RSPO4: variants seen among roughly 807,000 people sequenced by gnomAD.
RSPO4 encodes R-spondin 4.
RSPO4 carries 23 observed loss-of-function variants against 24.8 expected under a neutral mutation model. The ratio of observed to expected loss-of-function variants is 0.93; its 90% confidence interval spans 0.67 to 1.31. The LOEUF (loss-of-function observed/expected upper bound fraction) is 1.31. Among genes scored for constraint, RSPO4 ranks in the 40% most tolerant of loss-of-function variants. RSPO4 has a pLI of 0.00. For missense variants in RSPO4, 333 were observed against 316.5 expected, an observed-to-expected ratio of 1.05 and a Z score of -0.39; for synonymous variants, 141 against 127.4, an observed-to-expected ratio of 1.11 and a Z score of -0.72.
At chr20:989,849 G>A (rs1354422125) in intron 1 of RSPO4, among the ~76,000 whole-genome samples, 3 of 152,184 alleles carry the variant, frequency 2.0e-5, no homozygotes, top group Non-Finnish European at 4.4e-5. Flanking sequence ...CTGGAGACGC[G>A]GGCCTCTGGG....
chr20:980,526 C>T (rs1432076440), intron 1 of RSPO4, among the ~76,000 whole-genome samples: 1 of 152,210 alleles, frequency 6.6e-6, no homozygotes, highest in African/African-American at 2.4e-5. Flanking sequence ...GAAATGCCCA[C>T]TCCGTCTCTC....
chr20:960,312 T>C lies in RSPO4; in HGVS notation c.*45A>G. 1 of 1,268,168 alleles carries C rather than the reference T, an allele frequency of 7.9e-7. No individual in the cohort carries two copies. Among genetic ancestry groups the C allele is most frequent in the Non-Finnish European group, 1.1e-6 (1 of 902,566 alleles). The allele number at this position is 1,268,168 out of a possible 1,614,324, so 78.6% of individuals were successfully genotyped here. A position where few individuals can be genotyped will look rare whatever the true frequency, so the allele number is the denominator to read the frequency against. The stretch of plus-strand genomic sequence containing the variant: ...GGAGGAGAAGGAGCAGGAGGAGGTG[T>C]GCAGGGGCCGAGGACTAGGACCAGA... On this transcript the variant is annotated 3_prime_UTR_variant, in exon 5 of 5. Coordinates refer to ENST00000217260, the MANE Select transcript of RSPO4 (RefSeq NM_001029871.4).
At chr20:961,971 C>T (rs1984013808) in intron 4 of RSPO4, among the ~76,000 whole-genome samples, 1 of 152,014 alleles carries the variant, frequency 6.6e-6, no homozygotes, top group South Asian at 2.1e-4. Context: ...CACCCACCTA[C>T]CCTCCCATCT....
In RSPO4 at chr20:964,777, C is replaced by CACAT. The variant is rs755593460; in HGVS notation, c.410-658_410-657insATGT. ...ACACATATATATACACACACACACA[C>CACAT]ATATATATATACACATATATACACA... is the stretch of plus-strand genomic sequence containing the variant. On this transcript the variant is annotated intron_variant, in intron 3 of 4. Coordinates refer to ENST00000217260, the MANE Select transcript of RSPO4 (RefSeq NM_001029871.4). Among the ~76,000 whole-genome samples the CACAT allele has an allele frequency of 5.8e-3, 815 of 139,974 alleles. 16 individuals carry two copies. Among genetic ancestry groups the CACAT allele is most frequent in the African/African-American group, 0.021 (745 of 34,770 alleles). The allele number at this position is 139,974 out of a possible 152,430, so 91.8% of individuals were successfully genotyped here.
chr20:991,066 T>C (rs771506258), intron 1 of RSPO4, among the ~76,000 whole-genome samples: 1 of 152,190 alleles, frequency 6.6e-6, no homozygotes, highest in East Asian at 1.9e-4. Context: ...TGGTCCAATG[T>C]TGAGGAGTAG....
At chr20:991,604 A>G (rs1985104027) in intron 1 of RSPO4, among the ~76,000 whole-genome samples, 1 of 152,148 alleles carries the variant, frequency 6.6e-6, no homozygotes, top group Non-Finnish European at 1.5e-5. Context: ...TAAGAATTAC[A>G]TGATTAAAAC....
At chr20:979,669 CAA>C (rs1009857580) in intron 1 of RSPO4, among the ~76,000 whole-genome samples, 6 of 152,148 alleles carry the variant, frequency 3.9e-5, no homozygotes, top group African/African-American at 1.4e-4. Context: ...TGAGGCTGCC[CAA>C]ATCTTGCTCT....
chr20:984,807 G>T lies in RSPO4; in HGVS notation c.80-16669C>A, dbSNP rs1984847591. 2.0e-5 allele frequency among the ~76,000 whole-genome samples: 3 copies of T among 152,218 alleles called. No homozygotes were observed. In the South Asian group the frequency reaches 6.2e-4, roughly 32 times the overall value. On this transcript the variant is annotated intron_variant, in intron 1 of 4. Coordinates refer to ENST00000217260, the MANE Select transcript of RSPO4 (RefSeq NM_001029871.4). ...CAGTTTCTCCATCTGTCAAATGGAT[G>T]GTTAAACTCAGTGTTTCTAAAGGCC...
chr20:1,000,230 C>G (rs1252412870), intron 1 of RSPO4, among the ~76,000 whole-genome samples: 2 of 152,210 alleles, frequency 1.3e-5, no homozygotes, highest in Non-Finnish European at 2.9e-5. Flanking sequence ...CAGCACACCT[C>G]AGAAGATATC....
At chr20:985,782 G>C (rs750906422) in intron 1 of RSPO4, among the ~76,000 whole-genome samples, 1 of 152,200 alleles carries the variant, frequency 6.6e-6, no homozygotes, top group South Asian at 2.1e-4. Flanking sequence ...GCAGTGACTG[G>C]GGCAGGGTAG....
chr20:964,795 T>TACACACACACAC (rs1327859655), intron 3 of RSPO4, among the ~76,000 whole-genome samples: 12 of 108,540 alleles, frequency 1.1e-4, no homozygotes, highest in Admixed American at 4.1e-4. Context: ...TATACACATA[T>TACACACACACAC]ATACACACAT....
At chr20:968,260 A>T (rs1440127042) in intron 1 of RSPO4, 122 bp from the exon 2 acceptor site, 2 of 814,354 alleles carry the variant, frequency 2.5e-6, no homozygotes, top group Non-Finnish European at 4.0e-6. Flanking sequence ...CCCAAACAAA[A>T]GACTACATTT....
chr20:979,268 A>G (rs976326100), intron 1 of RSPO4, among the ~76,000 whole-genome samples: 1 of 151,942 alleles, frequency 6.6e-6, no homozygotes, highest in African/African-American at 2.4e-5. Flanking sequence ...CACTCCCACC[A>G]CAGGACCTTT....
chr20:997,609 T>A (rs1414831541), intron 1 of RSPO4, among the ~76,000 whole-genome samples: 1 of 152,178 alleles, frequency 6.6e-6, no homozygotes, highest in Admixed American at 6.5e-5. Context: ...TTCACCTGGA[T>A]GCCAGCACTC....
At chr20:990,197 A>G (rs1985051270) in intron 1 of RSPO4, among the ~76,000 whole-genome samples, 2 of 152,268 alleles carry the variant, frequency 1.3e-5, no homozygotes, top group South Asian at 4.2e-4. Context: ...CCAAAGGCCG[A>G]CAAATGCTAT....
chr20:961,662 G>A (rs1021192268), intron 4 of RSPO4, among the ~76,000 whole-genome samples: 1 of 152,150 alleles, frequency 6.6e-6, no homozygotes, highest in Non-Finnish European at 1.5e-5. Flanking sequence ...TGGGGTGTGG[G>A]TGCTGCCTGA....
At chr20:976,607 G>A (rs1158821874) in intron 1 of RSPO4, among the ~76,000 whole-genome samples, 1 of 151,930 alleles carries the variant, frequency 6.6e-6, no homozygotes, top group Admixed American at 6.6e-5. Flanking sequence ...GTGAACTTAG[G>A]GTCATCTCTG....
intron 1 of RSPO4, among the ~76,000 whole-genome samples, chr20:993,580 T>C (rs149019709): frequency 3.3e-5 from 5 of 152,128 alleles, no homozygotes; most frequent in East Asian, 1.9e-4. Flanking sequence ...GGGAGAATAA[T>C]AGGGTCAAGC....
chr20:1,002,279 C>A lies in RSPO4; in HGVS notation c.-115G>T, dbSNP rs149154047. 4.9e-5 allele frequency: 23 copies of A among 471,324 alleles called. No homozygotes were observed. The highest frequency in any genetic ancestry group is 1.9e-4 in the African/African-American group (9 of 47,854). The allele number at this position is 471,324 out of a possible 1,614,324, so 29.2% of individuals were successfully genotyped here. On this transcript the variant is annotated 5_prime_UTR_variant, in exon 1 of 5. Transcript: ENST00000217260. The surrounding 1 kb of genome is among the most constrained non-coding windows in gnomAD (Gnocchi z 4.6). Reference sequence around the variant, plus strand: ...CTGCTGTGGGCGCGCCGGGCGCATCCGCCAGGCGCGGGTCGGTCCGGCCGC... The same window carrying A: ...CTGCTGTGGGCGCGCCGGGCGCATCAGCCAGGCGCGGGTCGGTCCGGCCGC...
Sources: allele counts gnomAD v4.1 joint callset (sites outside exome capture counted in the v4.1 genomes callset), GRCh38; gene constraint gnomAD v4.1.1; non-coding constraint Gnocchi (gnomAD v3.1); transcripts MANE v1.5; gene names NCBI Gene and HGNC (gene_info 2026-07-23, HGNC 2026-07-21).